Variants in SRGAP2 observed in about 807,000 individuals in gnomAD.
The protein encoded by SRGAP2 is SLIT-ROBO Rho GTPase-activating protein 2.
A neutral mutation model predicts 57.2 loss-of-function variants in SRGAP2; 15 were observed. The ratio of observed to expected loss-of-function variants is 0.26; its 90% confidence interval spans 0.18 to 0.40. The LOEUF is 0.40. Among genes scored for constraint, SRGAP2 ranks in the 10% least tolerant of loss-of-function variants. The pLI, the probability that SRGAP2 is intolerant of heterozygous loss-of-function variation, is 1.00. For synonymous variants in SRGAP2, 249 were observed against 248.0 expected (o/e 1.00, Z -0.04); for missense variants, 520 against 669.6 (o/e 0.78, Z 2.47).
intron 3 of SRGAP2, among the ~76,000 whole-genome samples, chr1:206,319,865 A>G (rs564272228): frequency 1.6e-4 from 24 of 148,826 alleles, no homozygotes; most frequent in African/African-American, 5.5e-4. Flanking sequence ...CTGGGGTGCA[A>G]TGATGCCATT....
chr1:206,236,629 T>TC (rs2102533896), intron 2 of SRGAP2, among the ~76,000 whole-genome samples: 1 of 134,696 alleles, frequency 7.4e-6, no homozygotes, highest in African/African-American at 2.9e-5. Context: ...AATTTAGTAT[T>TC]CCACCTGCAC....
At chr1:206,230,473 G>A (rs1667560274) in intron 2 of SRGAP2, among the ~76,000 whole-genome samples, 1 of 141,910 alleles carries the variant, frequency 7.0e-6, no homozygotes, top group Non-Finnish European at 1.5e-5. Flanking sequence ...GAGACATTCA[G>A]TTCAGTGCAT....
Position 206,453,243 on chromosome 1 carries a change from C to T in SRGAP2, c.2223C>T (p.Gly741=). The T allele has an allele frequency of 1.5e-6, 1 of 662,030 alleles. No individual in the cohort carries two copies. Among genetic ancestry groups the T allele is most frequent in the Non-Finnish European group, 2.8e-6 (1 of 353,484 alleles). 41.0% of individuals were successfully genotyped at this position (662,030 alleles called of 1,614,324 possible). ...IEAIAKFDYV[G]RTARELSFKK... ...CCATTGCCAAGTTTGACTACGTGGG[C>T]CGGACAGCCCGAGAGCTATCCTTTA... Residue 741 remains glycine (G), a synonymous_variant, in exon 20 of 23, where the codon GGC becomes GGT. Coordinates refer to ENST00000573034, the MANE Select transcript of SRGAP2 (RefSeq NM_015326.5).
At chr1:206,424,939 T>TA (rs1172606906) in intron 13 of SRGAP2, among the ~76,000 whole-genome samples, 18 of 152,352 alleles carry the variant, frequency 1.2e-4, no homozygotes, top group African/African-American at 4.3e-4. Context: ...AGCCCACCCT[T>TA]ACCTGCCACA....
At chr1:206,410,719 C>T (rs577379123) in intron 10 of SRGAP2, among the ~76,000 whole-genome samples, 2 of 152,270 alleles carry the variant, frequency 1.3e-5, no homozygotes, top group East Asian at 1.9e-4. Flanking sequence ...AAAAGATCTG[C>T]GTCCTTTTTA....
intron 2 of SRGAP2, among the ~76,000 whole-genome samples, chr1:206,236,912 AG>A (rs1667940310): frequency 2.4e-5 from 3 of 124,354 alleles, no homozygotes; most frequent in Admixed American, 8.2e-5. Context: ...TTTTTGAGAC[AG>A]GGTCTCTCTA....
chr1:206,412,930 C>G (rs1659343327), intron 10 of SRGAP2, among the ~76,000 whole-genome samples: 1 of 152,206 alleles, frequency 6.6e-6, no homozygotes, highest in African/African-American at 2.4e-5. Flanking sequence ...ACTGTGGTTT[C>G]CACGCCAGTA....
chr1:206,291,765 C>T (rs1305483042), intron 2 of SRGAP2, among the ~76,000 whole-genome samples: 1 of 148,856 alleles, frequency 6.7e-6, no homozygotes, highest in Non-Finnish European at 1.5e-5. Flanking sequence ...TTTACCTTTC[C>T]ATAAAAAAAA....
rs1247593395 is a variant in SRGAP2, at chr1:206,462,617, A to G, written c.*1197A>G. On this transcript the variant is annotated 3_prime_UTR_variant, in exon 23 of 23. Coordinates refer to ENST00000573034, the MANE Select transcript of SRGAP2 (RefSeq NM_015326.5). ...CAGGGGCTTAGAGAGCCTTAGTTAG[A>G]TTAAAGGGAGACCCTACCTCTTAAA... 5 of 152,232 alleles carry G rather than the reference A, an allele frequency of 3.3e-5. No homozygotes were observed. The highest frequency in any genetic ancestry group is 5.9e-5 in the Non-Finnish European group (4 of 68,044). The allele number at this position is 152,232 out of a possible 1,614,324, so 9.4% of individuals were successfully genotyped here.
chr1:206,212,102 C>G (rs1487800048), intron 2 of SRGAP2, among the ~76,000 whole-genome samples: 2 of 152,148 alleles, frequency 1.3e-5, no homozygotes, highest in Non-Finnish European at 2.9e-5. Flanking sequence ...TTGATGAACA[C>G]TTGGGTTGTT....
intron 13 of SRGAP2, among the ~76,000 whole-genome samples, chr1:206,429,571 A>G (rs1661109336): frequency 6.6e-6 from 1 of 152,272 alleles, no homozygotes; most frequent in Non-Finnish European, 1.5e-5. Flanking sequence ...AGGACTTTGC[A>G]GAACAGAAAC....
At chr1:206,452,111 G>A (rs962392406) in intron 19 of SRGAP2, among the ~76,000 whole-genome samples, 8 of 152,126 alleles carry the variant, frequency 5.3e-5, no homozygotes, top group East Asian at 1.9e-4. Flanking sequence ...TACTATGGGC[G>A]GGACACTGTT....
intron 18 of SRGAP2, among the ~76,000 whole-genome samples, chr1:206,449,450 T>C (rs1553375060): frequency 6.9e-6 from 1 of 145,226 alleles, no homozygotes; most frequent in East Asian, 2.0e-4. Flanking sequence ...ACACTGGCTT[T>C]TTTTTTTTTT....
At chr1:206,450,311 G>C in intron 18 of SRGAP2, 75 bp from the exon 19 acceptor site, 5 of 749,736 alleles carry the variant, frequency 6.7e-6, no homozygotes. Flanking sequence ...TCGCGCCAGG[G>C]AGGCTGTATG....
At position 206,461,153 on chromosome 1, in the gene SRGAP2, C is replaced by T. The variant is rs1447716733; in HGVS notation, c.2949C>T (p.Ser983=). 3.8e-6 allele frequency: 3 copies of T among 780,610 alleles called. No individual in the cohort carries two copies. The highest frequency in any genetic ancestry group is 3.4e-5 in the African/African-American group (2 of 59,158). The allele number at this position is 780,610 out of a possible 1,614,324, so 48.4% of individuals were successfully genotyped here. The change falls in exon 23 of 23, where the codon TCC becomes TCT. Residue 983 remains serine, a synonymous_variant. Coordinates refer to ENST00000573034, the MANE Select transcript of SRGAP2 (RefSeq NM_015326.5). ...ACACCTTGGAGCCCCTCAAAACCTC[C>T]CCAGTGGTGGCCCCCACGTCAGAGC... is the stretch of plus-strand genomic sequence containing the variant. The part of the protein sequence containing the change: ...VLDTLEPLKT[S]PVVAPTSEPS...
At chr1:206,327,138 C>T (rs185626357) in intron 3 of SRGAP2, among the ~76,000 whole-genome samples, 14 of 152,106 alleles carry the variant, frequency 9.2e-5, no homozygotes, top group Admixed American at 9.2e-4. Context: ...ACCAGCCTGA[C>T]CAACATGGAG....
chr1:206,212,208 C>T (rs1196726438), intron 2 of SRGAP2, among the ~76,000 whole-genome samples: 1 of 148,956 alleles, frequency 6.7e-6, no homozygotes, highest in East Asian at 2.0e-4. Flanking sequence ...CAGATGGGGT[C>T]TCACTCTGTC....
chr1:206,347,375 C>A (rs1158095134), intron 4 of SRGAP2, among the ~76,000 whole-genome samples: 1 of 151,610 alleles, frequency 6.6e-6, no homozygotes, highest in East Asian at 1.9e-4. Flanking sequence ...GTCAGGAGTT[C>A]AAGACCAGCT....
intron 11 of SRGAP2, among the ~76,000 whole-genome samples, chr1:206,417,284 A>C (rs782757490): frequency 6.0e-5 from 9 of 151,158 alleles, no homozygotes; most frequent in Admixed American, 2.6e-4. Context: ...TTGTATTTTC[A>C]GTTGAGATGG....
Sources: allele counts gnomAD v4.1 joint callset (sites outside exome capture counted in the v4.1 genomes callset), GRCh38; gene constraint gnomAD v4.1.1; transcripts MANE v1.5; gene names NCBI Gene and HGNC (gene_info 2026-07-23, HGNC 2026-07-21).